TGS1: variants seen among roughly 807,000 people sequenced by gnomAD.
TGS1 encodes the protein trimethylguanosine synthase 1, also known as trimethylguanosine synthase.
A neutral mutation model predicts 92.2 loss-of-function variants in TGS1; 69 were observed. The observed-to-expected ratio is 0.75, with a 90% CI of 0.62 to 0.91. The LOEUF (loss-of-function observed/expected upper bound fraction) is 0.91, where lower values mean the gene tolerates loss of function less well. TGS1 is among the 40% of genes least tolerant of loss of function. The probability of loss-of-function intolerance (pLI) is 0.00; values close to 1 mark genes in which losing one functional copy is unlikely to be tolerated. For synonymous variants in TGS1, 345 were observed against 338.1 expected, an observed-to-expected ratio of 1.02 and a Z score of -0.22; for missense variants, 1,062 against 1,001.2, an observed-to-expected ratio of 1.06 and a Z score of -0.82.
Position 55,790,405 on chromosome 8 carries a change from T to G in TGS1, c.1280+106T>G, listed in dbSNP as rs1057353334. 3 of 746,110 alleles carry G rather than the reference T, an allele frequency of 4.0e-6. No individual in the cohort carries two copies. The South Asian group carries it at 5.2e-5, about 13-fold the overall frequency. 46.2% of individuals were successfully genotyped at this position (746,110 alleles called of 1,614,324 possible). A position where few individuals can be genotyped will look rare whatever the true frequency, so the allele number is the denominator to read the frequency against. ...GTTATGTTCACAACACCAGTAATCA[T>G]GTAAGAAGAGGCAGGATCTACTGGT... On this transcript the variant is annotated intron_variant, in intron 5 of 12. Transcript: ENST00000260129.
chr8:55,790,652 G>A (rs1310587882), intron 5 of TGS1, among the ~76,000 whole-genome samples: 1 of 152,016 alleles, frequency 6.6e-6, no homozygotes, highest in Non-Finnish European at 1.5e-5. Context: ...GAGTAGCTGG[G>A]ACTACAGGCA....
intron 12 of TGS1, among the ~76,000 whole-genome samples, chr8:55,813,929 C>T (rs1193666891): frequency 2.6e-5 from 4 of 152,000 alleles, no homozygotes; most frequent in Non-Finnish European, 5.9e-5. Flanking sequence ...TGCTGAGTAG[C>T]GCTTTTTTTG....
At chr8:55,801,715 A>G (rs547820925) in intron 8 of TGS1, among the ~76,000 whole-genome samples, 4 of 145,756 alleles carry the variant, frequency 2.7e-5, no homozygotes, top group Middle Eastern at 3.7e-3. Context: ...CAGCCTCCCA[A>G]GTAGCTGGGA....
intron 6 of TGS1, among the ~76,000 whole-genome samples, chr8:55,794,482 G>T (rs1005799188): frequency 4.6e-5 from 7 of 152,200 alleles, no homozygotes; most frequent in African/African-American, 1.7e-4. Context: ...TAAAGCAACA[G>T]TGCAGGTGCA....
chr8:55,793,765 TATTTA>T (rs1369901681), intron 6 of TGS1, among the ~76,000 whole-genome samples: 124 of 146,984 alleles, frequency 8.4e-4, no homozygotes, highest in African/African-American at 3.0e-3. Context: ...TTTATTTATT[TATTTA>T]TTTATTTTTT....
chr8:55,794,371 A>G (rs946882045), intron 6 of TGS1, among the ~76,000 whole-genome samples: 3 of 152,152 alleles, frequency 2.0e-5, no homozygotes, highest in African/African-American at 7.2e-5. Context: ...ATTCCTTCTT[A>G]TTGCTGAATA....
chr8:55,815,376 T>G (rs1335188973), intron 12 of TGS1, among the ~76,000 whole-genome samples: 1 of 152,216 alleles, frequency 6.6e-6, no homozygotes, highest in Non-Finnish European at 1.5e-5. Flanking sequence ...ATCAACTTTT[T>G]TTTAATGAAG....
At chr8:55,789,077 GT>G (rs1314099785) in intron 4 of TGS1, among the ~76,000 whole-genome samples, 1 of 152,084 alleles carries the variant, frequency 6.6e-6, no homozygotes, top group Admixed American at 6.6e-5. Context: ...ATTTTGATTT[GT>G]TTTAGATCCT....
At chr8:55,790,019 ACTCTGCATGT>A in intron 4 of TGS1, 153 bp from the exon 5 acceptor site, 1 of 594,606 alleles carries the variant, frequency 1.7e-6, no homozygotes. Flanking sequence ...AAATGCTCAG[ACTCTGCATGT>A]AGACACAAAC....
At chr8:55,802,716 C>A in intron 9 of TGS1, 110 bp downstream of exon 9, 1 of 1,104,542 alleles carries the variant, frequency 9.1e-7, no homozygotes, top group African/African-American at 1.6e-5. Context: ...CCAGATTCAG[C>A]TATTTTCAAC....
intron 12 of TGS1, among the ~76,000 whole-genome samples, chr8:55,817,735 G>A (rs1803523049): frequency 6.6e-6 from 1 of 152,202 alleles, no homozygotes; most frequent in African/African-American, 2.4e-5. Context: ...AGAAGCATGA[G>A]AGAATAAAAA....
intron 5 of TGS1, among the ~76,000 whole-genome samples, chr8:55,792,253 C>A (rs1811906162): frequency 1.3e-5 from 2 of 152,142 alleles, no homozygotes; most frequent in African/African-American, 4.8e-5. Flanking sequence ...TGTATCACAA[C>A]CTTATTCTTT....
chr8:55,805,665 C>G (rs1812345108), intron 10 of TGS1, among the ~76,000 whole-genome samples: 1 of 152,082 alleles, frequency 6.6e-6, no homozygotes. Context: ...GTAGGCGGAT[C>G]ACCTGAGGTC....
intron 8 of TGS1, among the ~76,000 whole-genome samples, chr8:55,800,510 A>C (rs116616005): frequency 6.6e-6 from 1 of 152,200 alleles, no homozygotes; most frequent in African/African-American, 2.4e-5. Context: ...ATAAACACCA[A>C]TTCTCATGAT....
intron 10 of TGS1, 133 bp downstream of exon 10, chr8:55,805,169 A>G (rs937871166): frequency 2.7e-5 from 17 of 618,388 alleles, no homozygotes; most frequent in Non-Finnish European, 3.9e-5. Flanking sequence ...ATAAAATAAT[A>G]GCTAGCATAT....
rs1421792338 is a variant in TGS1, at chr8:55,790,229, G to T, written c.1210G>T (p.Ala404Ser). 1 of 1,614,062 alleles carries T rather than the reference G, an allele frequency of 6.2e-7. No homozygotes were observed. The highest frequency in any genetic ancestry group is 1.7e-5 in the Admixed American group (1 of 60,018). The part of the protein sequence containing the change: ...GANTSKDRPH[A>S]SGTDGDESEE... The stretch of plus-strand genomic sequence containing the variant: ...AAACACAAGCAAAGACAGACCACAT[G>T]CCAGTGGTACTGATGGAGATGAAAG... The change falls in exon 5 of 13, where the codon GCC becomes TCC. Residue 404 changes from alanine (A) to serine (S), a missense_variant. Transcript: ENST00000260129.
rs1212373776 is a variant in TGS1, at chr8:55,786,679, A to G, written c.781A>G (p.Thr261Ala). 2.5e-6 allele frequency: 4 copies of G among 1,614,146 alleles called. No homozygotes were observed. Among genetic ancestry groups the G allele is most frequent in the Non-Finnish European group, 3.4e-6 (4 of 1,180,016 alleles). ...QFQYWEAQGW[T>A]FDASQSCDTD... ...TCAGTATTGGGAAGCTCAGGGTTGG[A>G]CTTTTGATGCCTCGCAAAGCTGTGA... The change falls in exon 4 of 13, where the codon ACT becomes GCT. Residue 261 changes from threonine (T) to alanine (A), a missense_variant. Thr to Ala is a moderately conservative substitution (Grantham distance 58). Transcript: ENST00000260129.
At chr8:55,819,151 A>G (rs540608978) in intron 12 of TGS1, among the ~76,000 whole-genome samples, 1 of 152,266 alleles carries the variant, frequency 6.6e-6, no homozygotes, top group African/African-American at 2.4e-5. Flanking sequence ...CATGTTGCCC[A>G]GGTTGGACTT....
At chr8:55,794,013 A>G (rs1248973000) in intron 6 of TGS1, among the ~76,000 whole-genome samples, 4 of 152,056 alleles carry the variant, frequency 2.6e-5, no homozygotes, top group South Asian at 2.1e-4. Context: ...ACAATGTACC[A>G]TAGACACTCT....
Sources: allele counts gnomAD v4.1 joint callset (sites outside exome capture counted in the v4.1 genomes callset), GRCh38; gene constraint gnomAD v4.1.1; transcripts MANE v1.5; gene names NCBI Gene and HGNC (gene_info 2026-07-23, HGNC 2026-07-21).